The following ATP2B2 variants were observed in gnomAD, a reference collection of about 807,000 sequenced individuals.
ATP2B2 encodes the protein plasma membrane calcium-transporting ATPase 2.
ATP2B2 carries 15 observed loss-of-function variants against 120.0 expected under a neutral mutation model. The ratio of observed to expected loss-of-function variants is 0.12; its 90% CI spans 0.08 to 0.19. ATP2B2 has a LOEUF of 0.19. Ranked by LOEUF, ATP2B2 falls within the 10% of genes least tolerant of loss-of-function variation. The probability of loss-of-function intolerance (pLI) is 1.00; values close to 1 mark genes in which losing one functional copy is unlikely to be tolerated. For missense variants in ATP2B2, 1,045 were observed against 1,719.8 expected (o/e 0.61, Z 6.94); for synonymous variants, 694 against 700.3 (o/e 0.99, Z 0.14).
chr3:10,344,547 G>A (rs2060374740), intron 18 of ATP2B2, among the ~76,000 whole-genome samples: 1 of 152,226 alleles, frequency 6.6e-6, no homozygotes, highest in South Asian at 2.1e-4. Context: ...CTGTGGGCAT[G>A]GGCTTGTCTG....
intron 2 of ATP2B2, among the ~76,000 whole-genome samples, chr3:10,559,609 T>G (rs1447755604): frequency 6.6e-6 from 1 of 152,116 alleles, no homozygotes; most frequent in African/African-American, 2.4e-5. Context: ...TACAGAGAGA[T>G]GTGCTCAAGG....
intron 2 of ATP2B2, among the ~76,000 whole-genome samples, chr3:10,560,959 G>A (rs746078598): frequency 1.4e-4 from 21 of 152,054 alleles, no homozygotes; most frequent in Non-Finnish European, 2.9e-4. Context: ...TACTCCTTCT[G>A]CCTGGAACAC....
At chr3:10,494,162 G>A (rs1023956298) in intron 1 of ATP2B2, among the ~76,000 whole-genome samples, 22 of 152,096 alleles carry the variant, frequency 1.4e-4, no homozygotes, top group African/African-American at 4.1e-4. Flanking sequence ...GTGGCCATGG[G>A]GGGTCTATGG....
intron 2 of ATP2B2, among the ~76,000 whole-genome samples, chr3:10,602,871 A>G (rs1292938175): frequency 6.6e-6 from 1 of 152,186 alleles, no homozygotes; most frequent in African/African-American, 2.4e-5. Context: ...CACACCTGGT[A>G]CCACACCTCA....
intron 11 of ATP2B2, among the ~76,000 whole-genome samples, chr3:10,374,622 G>A (rs1011227034): frequency 6.6e-5 from 10 of 152,214 alleles, no homozygotes; most frequent in African/African-American, 2.4e-4. Flanking sequence ...AAAACATGGG[G>A]CAAAGGGAAG....
At chr3:10,671,016 C>A (rs190810503) in intron 1 of ATP2B2, among the ~76,000 whole-genome samples, 16 of 152,230 alleles carry the variant, frequency 1.1e-4, no homozygotes, top group Admixed American at 1.0e-3. Flanking sequence ...CAGATGACTT[C>A]GAAGGTCCTT....
chr3:10,685,517 T>G (rs757501870), intron 1 of ATP2B2, among the ~76,000 whole-genome samples: 55 of 149,702 alleles, frequency 3.7e-4, no homozygotes, highest in African/African-American at 1.3e-3. Context: ...AGAGAGAGAG[T>G]GTGTGTATGT....
At chr3:10,696,853 A>C (rs2071749022) in intron 1 of ATP2B2, among the ~76,000 whole-genome samples, 1 of 152,232 alleles carries the variant, frequency 6.6e-6, no homozygotes, top group South Asian at 2.1e-4. Context: ...ATAGAAGCCC[A>C]GGGTCCCTGC....
intron 1 of ATP2B2, among the ~76,000 whole-genome samples, chr3:10,662,168 A>AC (rs1311820975): frequency 1.3e-5 from 2 of 152,186 alleles, no homozygotes; most frequent in African/African-American, 4.8e-5. Flanking sequence ...CCTAGGCAGT[A>AC]CCATTCAGGA....
chr3:10,556,904 G>A (rs1023389137), intron 2 of ATP2B2, among the ~76,000 whole-genome samples: 2 of 152,236 alleles, frequency 1.3e-5, no homozygotes, highest in Non-Finnish European at 2.9e-5. Flanking sequence ...GTGAGGCTCA[G>A]AGAGGTGAAG....
At chr3:10,401,990 T>G in intron 4 of ATP2B2, 101 bp downstream of exon 4, 26 of 1,568,918 alleles carry the variant, frequency 1.7e-5, no homozygotes, top group Non-Finnish European at 2.2e-5. Context: ...CCTTCAGGAA[T>G]GCATCCCCTT....
chr3:10,428,767 G>A lies in ATP2B2; in HGVS notation c.200-17952C>T, dbSNP rs1375690516. ...GAGACTGTGCTGGGGTTCCAGCCAC[G>A]CCTACCCTGGCAGGCTGAGCAACCC... is the stretch of plus-strand genomic sequence containing the variant. On this transcript the variant is annotated intron_variant, in intron 2 of 22. Coordinates refer to ENST00000360273, the MANE Select transcript of ATP2B2 (RefSeq NM_001001331.4). 2.0e-5 allele frequency among the ~76,000 whole-genome samples: 3 copies of A among 152,140 alleles called. No homozygotes were observed. The East Asian group carries it at 5.8e-4, about 29-fold the overall frequency.
chr3:10,430,527 T>C (rs1375087696), intron 2 of ATP2B2, among the ~76,000 whole-genome samples: 1 of 152,110 alleles, frequency 6.6e-6, no homozygotes, highest in African/African-American at 2.4e-5. Context: ...ATTCTTAACT[T>C]GTTCATTCAT....
chr3:10,529,856 T>C (rs568326826), intron 3 of ATP2B2, among the ~76,000 whole-genome samples: 6 of 152,248 alleles, frequency 3.9e-5, no homozygotes, highest in East Asian at 3.9e-4. Context: ...AGGCACTCAC[T>C]GGGGGAAGAC....
chr3:10,429,065 C>T (rs963742289), intron 2 of ATP2B2, among the ~76,000 whole-genome samples: 1 of 152,128 alleles, frequency 6.6e-6, no homozygotes, highest in African/African-American at 2.4e-5. Flanking sequence ...CCATTCAGTC[C>T]CCTGGCTTCG....
intron 1 of ATP2B2, among the ~76,000 whole-genome samples, chr3:10,692,217 G>A (rs565946772): frequency 4.5e-4 from 69 of 152,330 alleles, no homozygotes; most frequent in Admixed American, 6.5e-4. Context: ...TTCAATTTCT[G>A]TTCAAAGGGC....
At chr3:10,593,873 AAAACC>A (rs996298821) in intron 2 of ATP2B2, among the ~76,000 whole-genome samples, 3 of 148,300 alleles carry the variant, frequency 2.0e-5, no homozygotes, top group Non-Finnish European at 4.5e-5. Context: ...TACAAGAAAA[AAAACC>A]AAACAACTCC....
At chr3:10,384,776 C>T (rs1056182252) in intron 8 of ATP2B2, among the ~76,000 whole-genome samples, 1 of 152,228 alleles carries the variant, frequency 6.6e-6, no homozygotes, top group Admixed American at 6.5e-5. Context: ...CTCAGCCATG[C>T]TACAGGACAG....
In ATP2B2 at chr3:10,477,113, C is replaced by A. The variant is rs148376906; in HGVS notation, c.-319-27251G>T. ...GTGTGGCTTCCTCCAGGCCAGGCCT[C>A]ACCATGCAGCAGACACCAGTGTCCT... On this transcript the variant is annotated intron_variant, in intron 1 of 22. Transcript: ENST00000360273. Among the ~76,000 whole-genome samples the A allele has an allele frequency of 2.8e-3, 431 of 152,362 alleles. 4 individuals carry two copies. The highest frequency in any genetic ancestry group is 0.01 in the African/African-American group (419 of 41,582).
Sources: allele counts gnomAD v4.1 joint callset (sites outside exome capture counted in the v4.1 genomes callset), GRCh38; gene constraint gnomAD v4.1.1; transcripts MANE v1.5; gene names NCBI Gene and HGNC (gene_info 2026-07-23, HGNC 2026-07-21).